UNC5B: variants seen among roughly 807,000 people sequenced by gnomAD.
UNC5B encodes the protein unc-5 netrin receptor B, also known as netrin receptor UNC5B.
A neutral mutation model predicts 103.7 loss-of-function variants in UNC5B; 56 were observed. That is an observed-to-expected ratio of 0.54 (90% CI 0.44 to 0.67). The LOEUF is 0.67. UNC5B is among the 30% of genes least tolerant of loss of function. The probability of loss-of-function intolerance (pLI) is 0.00; values close to 1 mark genes in which losing one functional copy is unlikely to be tolerated. For missense variants in UNC5B, 1,194 were observed against 1,284.5 expected, an observed-to-expected ratio of 0.93 and a Z score of 1.08; for synonymous variants, 577 against 542.0, an observed-to-expected ratio of 1.06 and a Z score of -0.90.
At chr10:71,270,574 G>C (rs1844625173) in intron 1 of UNC5B, among the ~76,000 whole-genome samples, 1 of 152,200 alleles carries the variant, frequency 6.6e-6, no homozygotes, top group South Asian at 2.1e-4. Flanking sequence ...AGGGAGCCCA[G>C]AGAGAGGAAG....
In UNC5B at chr10:71,255,321, C is replaced by T. The variant is rs148421578; in HGVS notation, c.80-24500C>T. Among the ~76,000 whole-genome samples the T allele has an allele frequency of 4.3e-3, 662 of 152,306 alleles. 5 individuals carry two copies. The highest frequency in any genetic ancestry group is 6.8e-3 in the Middle Eastern group (2 of 294). On this transcript the variant is annotated intron_variant, in intron 1 of 16. Coordinates refer to ENST00000335350, the MANE Select transcript of UNC5B (RefSeq NM_170744.5). ...AAAAAGACACGCCCTCATTCATACA[C>T]GCTGCTAGATTGCTTTGTGGATTTG... is the stretch of plus-strand genomic sequence containing the variant.
At chr10:71,256,024 C>G (rs1279950859) in intron 1 of UNC5B, among the ~76,000 whole-genome samples, 1 of 152,208 alleles carries the variant, frequency 6.6e-6, no homozygotes, top group Non-Finnish European at 1.5e-5. Context: ...GGCATGTTCT[C>G]AGTGATCCTT....
At chr10:71,283,751 C>A (rs144224160) in intron 2 of UNC5B, among the ~76,000 whole-genome samples, 1 of 152,248 alleles carries the variant, frequency 6.6e-6, no homozygotes, top group East Asian at 1.9e-4. Context: ...TAACAGAAAA[C>A]CGAGTGACCC....
chr10:71,256,767 C>G (rs1844300008), intron 1 of UNC5B, among the ~76,000 whole-genome samples: 1 of 152,242 alleles, frequency 6.6e-6, no homozygotes, highest in Non-Finnish European at 1.5e-5. Context: ...TTAGAACATC[C>G]AAGCTTCTCA....
intron 1 of UNC5B, among the ~76,000 whole-genome samples, chr10:71,260,838 T>G (rs948602977): frequency 2.6e-5 from 4 of 152,156 alleles, no homozygotes; most frequent in Non-Finnish European, 5.9e-5. Flanking sequence ...GTTTTCAGGC[T>G]GGGAGGAAAG....
chr10:71,253,245 C>T (rs1427997569), intron 1 of UNC5B, among the ~76,000 whole-genome samples: 1 of 152,216 alleles, frequency 6.6e-6, no homozygotes, highest in Non-Finnish European at 1.5e-5. Context: ...GTGCCACAGC[C>T]CTGCCATTAA....
At chr10:71,242,086 T>C (rs1455484115) in intron 1 of UNC5B, among the ~76,000 whole-genome samples, 1 of 152,132 alleles carries the variant, frequency 6.6e-6, no homozygotes, top group African/African-American at 2.4e-5. Context: ...CCCTTCTTCC[T>C]AGGCCAACCC....
chr10:71,219,710 C>A (rs191251170), intron 1 of UNC5B, among the ~76,000 whole-genome samples: 89 of 152,366 alleles, frequency 5.8e-4, no homozygotes, highest in Non-Finnish European at 9.1e-4. Context: ...GCCCTGGCCA[C>A]AGCCCTCGAG....
intron 1 of UNC5B, among the ~76,000 whole-genome samples, chr10:71,267,077 C>T (rs750448992): frequency 3.3e-5 from 5 of 152,156 alleles, no homozygotes; most frequent in African/African-American, 1.2e-4. Flanking sequence ...GGTCTTGGAA[C>T]GTATCCCCCA....
At chr10:71,223,274 A>G (rs951094801) in intron 1 of UNC5B, among the ~76,000 whole-genome samples, 5 of 152,186 alleles carry the variant, frequency 3.3e-5, no homozygotes, top group African/African-American at 1.2e-4. Context: ...TCTCTGTAGA[A>G]TGGATGAATG....
At chr10:71,224,887 A>G (rs1195784166) in intron 1 of UNC5B, among the ~76,000 whole-genome samples, 33 of 152,206 alleles carry the variant, frequency 2.2e-4, no homozygotes, top group Admixed American at 2.1e-3. Context: ...CATAAGGTAC[A>G]GTAGGGTTAT....
chr10:71,295,802 G>A lies in UNC5B; in HGVS notation c.2176-9G>A. ...ATGGGTTCCCCTTCCCCATGCCCCTGGCCCACAGGAGGTGCTGGAGCTGGA... is the reference window on the plus strand; with the variant it reads ...ATGGGTTCCCCTTCCCCATGCCCCTAGCCCACAGGAGGTGCTGGAGCTGGA... On this transcript the variant is annotated splice_polypyrimidine_tract_variant and intron_variant, in intron 13 of 16. Coordinates refer to ENST00000335350, the MANE Select transcript of UNC5B (RefSeq NM_170744.5). 6.2e-7 allele frequency: 1 copy of A among 1,611,034 alleles called. No homozygotes were observed. Among genetic ancestry groups the A allele is most frequent in the Non-Finnish European group, 8.5e-7 (1 of 1,179,278 alleles).
intron 6 of UNC5B, 33 bp from the exon 7 acceptor site, chr10:71,288,535 G>T: frequency 6.3e-7 from 1 of 1,599,406 alleles, no homozygotes; most frequent in South Asian, 1.1e-5. Flanking sequence ...ATGTCTCTGC[G>T]TGCACATGCT....
chr10:71,269,232 T>A (rs1844589520), intron 1 of UNC5B, among the ~76,000 whole-genome samples: 1 of 152,046 alleles, frequency 6.6e-6, no homozygotes, highest in South Asian at 2.1e-4. Flanking sequence ...GGGCGGCTTT[T>A]ATTTTCATCT....
chr10:71,227,797 A>T (rs1843605817), intron 1 of UNC5B, among the ~76,000 whole-genome samples: 1 of 151,724 alleles, frequency 6.6e-6, no homozygotes, highest in African/African-American at 2.4e-5. Context: ...GAAACACTAA[A>T]GGTACTTTCA....
At position 71,287,724 on chromosome 10, in the gene UNC5B, G is replaced by C. The variant is rs748046121; in HGVS notation, c.860G>C (p.Gly287Ala). The part of the protein sequence containing the change: ...APLNGGAFCE[G>A]QAFQKTACTT... ...CTCAACGGAGGGGCCTTCTGCGAGG[G>C]CCAGGCATTCCAGAAGACCGCCTGC... Residue 287 changes from glycine (G) to alanine (A), a missense_variant, in exon 6 of 17, where the codon GGC (glycine) becomes GCC (alanine). Transcript: ENST00000335350. The C allele has an allele frequency of 6.2e-7, 1 of 1,612,828 alleles. No homozygotes were observed. Among genetic ancestry groups the C allele is most frequent in the South Asian group, 1.1e-5 (1 of 90,900 alleles).
At chr10:71,284,036 A>G (rs1052361001) in intron 2 of UNC5B, among the ~76,000 whole-genome samples, 4 of 152,142 alleles carry the variant, frequency 2.6e-5, no homozygotes, top group African/African-American at 9.7e-5. Flanking sequence ...TCCATAAATA[A>G]TCTGAGTCCA....
At chr10:71,233,904 G>C (rs574382775) in intron 1 of UNC5B, among the ~76,000 whole-genome samples, 1 of 152,226 alleles carries the variant, frequency 6.6e-6, no homozygotes, top group Non-Finnish European at 1.5e-5. Context: ...GGCTGAGGCC[G>C]CCAGGAGATT....
chr10:71,299,487 AC>A lies in UNC5B; in HGVS notation c.*215del. 3 of 559,626 alleles carry A rather than the reference AC, an allele frequency of 5.4e-6. No individual in the cohort carries two copies. Among genetic ancestry groups the A allele is most frequent in the Non-Finnish European group, 9.3e-6 (3 of 321,178 alleles). The allele number at this position is 559,626 out of a possible 1,614,324, so 34.7% of individuals were successfully genotyped here. On this transcript the variant is annotated 3_prime_UTR_variant, in exon 17 of 17. Coordinates refer to ENST00000335350, the MANE Select transcript of UNC5B (RefSeq NM_170744.5). ...TTAGAGGGCCCAGAGTTCCTTCTCCACCCCCGCTCTCTCTCTCTTGGCCTGA... is the reference window on the plus strand; with the variant it reads ...TTAGAGGGCCCAGAGTTCCTTCTCCACCCCGCTCTCTCTCTCTTGGCCTGA...
Sources: allele counts gnomAD v4.1 joint callset (sites outside exome capture counted in the v4.1 genomes callset), GRCh38; gene constraint gnomAD v4.1.1; transcripts MANE v1.5; gene names NCBI Gene and HGNC (gene_info 2026-07-23, HGNC 2026-07-21).